SLC26A5: variants seen among roughly 807,000 people sequenced by gnomAD.
SLC26A5 encodes the protein solute carrier family 26 member 5.
Under a neutral mutation model 81.0 loss-of-function variants are expected in SLC26A5, and 51 were observed. The observed-to-expected ratio is 0.63, with a 90% CI of 0.50 to 0.80. The LOEUF is 0.80. Among genes scored for constraint, SLC26A5 ranks in the 30% least tolerant of loss-of-function variants. The pLI is 0.00. For synonymous variants in SLC26A5, 325 were observed against 332.8 expected (o/e 0.98, Z 0.25); for missense variants, 771 against 905.8 (o/e 0.85, Z 1.91).
chr7:103,389,106 C>T lies in SLC26A5; in HGVS notation c.1416G>A (p.Trp472Ter), dbSNP rs769720506. ...ACAAGGAGGACACAAAAGTGGTAAG[C>T]CAGATGGTCTAAGCAAAAGACAGAA... ...WRTSKIELTI[W>*]LTTFVSSLFL... The change falls in exon 14 of 20, where the codon TGG (tryptophan) becomes TGA (stop). Residue 472 changes from tryptophan to a stop codon, truncating the protein, a stop_gained. Coordinates refer to ENST00000306312, the MANE Select transcript of SLC26A5 (RefSeq NM_198999.3). LOFTEE classifies it high-confidence loss of function. The T allele has an allele frequency of 6.2e-7, 1 of 1,611,980 alleles. No individual in the cohort carries two copies. Among genetic ancestry groups the T allele is most frequent in the South Asian group, 1.1e-5 (1 of 90,906 alleles).
At chr7:103,354,750 C>G in intron 19 of SLC26A5, 1 of 657,720 alleles carries the variant, frequency 1.5e-6, no homozygotes, top group Non-Finnish European at 2.7e-6. Context: ...CTCTCTACTT[C>G]ACAAGCTTTG....
chr7:103,363,540 C>T, intron 19 of SLC26A5: 1 of 1,054,068 alleles, frequency 9.5e-7, no homozygotes, highest in South Asian at 1.4e-5. Context: ...TTAATATTTT[C>T]CCTAATGAGA....
intron 8 of SLC26A5, among the ~76,000 whole-genome samples, chr7:103,403,499 G>C (rs1455484566): frequency 6.6e-6 from 1 of 152,116 alleles, no homozygotes; most frequent in Non-Finnish European, 1.5e-5. Flanking sequence ...TATTGTGTGG[G>C]AGTCTAAGTC....
chr7:103,412,541 A>ATT (rs1824566109), intron 5 of SLC26A5, among the ~76,000 whole-genome samples: 1 of 132,840 alleles, frequency 7.5e-6, no homozygotes, highest in East Asian at 2.6e-4. Flanking sequence ...GGAGGAGTGT[A>ATT]GTTTTTTTTT....
intron 3 of SLC26A5, 82 bp downstream of exon 3, chr7:103,421,281 A>G: frequency 1.3e-6 from 2 of 1,488,712 alleles, no homozygotes; most frequent in Non-Finnish European, 1.9e-6. Context: ...ACTTCACCAA[A>G]CAGATTTTCT....
At chr7:103,427,816 G>A (rs1430080796) in intron 2 of SLC26A5, among the ~76,000 whole-genome samples, 1 of 150,820 alleles carries the variant, frequency 6.6e-6, no homozygotes, top group Non-Finnish European at 1.5e-5. Flanking sequence ...CACCTGGGGA[G>A]ATTAAAACCA....
At chr7:103,378,360 CTG>C (rs1377445724) in intron 17 of SLC26A5, 84 bp downstream of exon 17, 157 of 1,304,016 alleles carry the variant, frequency 1.2e-4, no homozygotes, top group Non-Finnish European at 1.6e-4. Context: ...TAACTTCGTG[CTG>C]TGTTTAAACT....
At chr7:103,426,651 G>C (rs1328978288) in intron 2 of SLC26A5, among the ~76,000 whole-genome samples, 1 of 152,226 alleles carries the variant, frequency 6.6e-6, no homozygotes, top group South Asian at 2.1e-4. Context: ...CATTTCAACT[G>C]GGAAAGGAAA....
At chr7:103,352,894 G>A (rs756759767) in exon 20 of SLC26A5, 5 of 780,644 alleles carry the variant, frequency 6.4e-6, no homozygotes, top group Admixed American at 5.1e-5. Flanking sequence ...TTTCCCCTAC[G>A]GTCTCCATCT....
chr7:103,405,574 C>T (rs940860801), intron 8 of SLC26A5, among the ~76,000 whole-genome samples: 2 of 152,136 alleles, frequency 1.3e-5, no homozygotes, highest in African/African-American at 4.8e-5. Flanking sequence ...CCCAGAGGGG[C>T]ACCCGCCATA....
At position 103,360,036 on chromosome 7, in the gene SLC26A5, G is replaced by A. The variant is rs141383345; in HGVS notation, c.2042-7110C>T. Among the ~76,000 whole-genome samples the A allele has an allele frequency of 2.8e-3, 421 of 151,362 alleles. 9 individuals carry two copies. The highest frequency in any genetic ancestry group is 0.025 in the Admixed American group (387 of 15,220). ...GCGGAAGTTGCAGTGAGTCAAGATC[G>A]CGCCACTGCACTCCAGCCTGGGCAG... On this transcript the variant is annotated intron_variant, in intron 19 of 19. Coordinates refer to the SLC26A5 transcript ENST00000339444.
chr7:103,404,294 T>G (rs1823850789), intron 8 of SLC26A5, among the ~76,000 whole-genome samples: 1 of 152,222 alleles, frequency 6.6e-6, no homozygotes, highest in Non-Finnish European at 1.5e-5. Context: ...GCTTTTTACA[T>G]TTTCATTTGT....
chr7:103,421,036 A>AG (rs1309919521), intron 3 of SLC26A5, among the ~76,000 whole-genome samples, 159 bp from the exon 4 acceptor site: 1 of 152,202 alleles, frequency 6.6e-6, no homozygotes, highest in East Asian at 1.9e-4. Context: ...AGTCAGGGAT[A>AG]GGGAAAAAAA....
chr7:103,399,801 G>A (rs1037888845), intron 8 of SLC26A5, among the ~76,000 whole-genome samples: 8 of 152,088 alleles, frequency 5.3e-5, no homozygotes, highest in Non-Finnish European at 1.2e-4. Context: ...ACTCCCACTT[G>A]CAAGTGAGAA....
Position 103,353,905 on chromosome 7 carries a change from GTC to G in SLC26A5, c.2042-981_2042-980del, listed in dbSNP as rs749650497. ...AGTTTCTTTTTGAATCTCACGTATT[GTC>G]TCTCTTCTTTCAGCTCTGGATGAGG... On this transcript the variant is annotated intron_variant, in intron 19 of 19. Coordinates refer to the SLC26A5 transcript ENST00000339444. 5 of 1,598,448 alleles carry G rather than the reference GTC, an allele frequency of 3.1e-6. No individual in the cohort carries two copies. The Admixed American group carries it at 5.1e-5, about 16-fold the overall frequency.
intron 2 of SLC26A5, among the ~76,000 whole-genome samples, chr7:103,430,086 T>TAGG (rs1825962012): frequency 6.6e-6 from 1 of 151,818 alleles, no homozygotes; most frequent in Non-Finnish European, 1.5e-5. Flanking sequence ...CTTTTTTTTT[T>TAGG]TTTTTTTTTG....
intron 12 of SLC26A5, 93 bp downstream of exon 12, chr7:103,390,336 A>C (rs780142386): frequency 1.3e-5 from 15 of 1,153,006 alleles, no homozygotes; most frequent in Middle Eastern, 1.9e-4. Flanking sequence ...GTTACAGTAA[A>C]TAACCCTAAT....
chr7:103,398,542 G>A (rs1288826865), intron 8 of SLC26A5, among the ~76,000 whole-genome samples: 3 of 152,164 alleles, frequency 2.0e-5, no homozygotes, highest in Non-Finnish European at 4.4e-5. Context: ...CAGCTACAAA[G>A]TCAGGGTAGA....
At position 103,379,341 on chromosome 7, in the gene SLC26A5, G is replaced by A. The variant is rs1263657281; in HGVS notation, c.1585-6C>T. ...ATTCCAGGAATTTCTTTCACCTGAA[G>A]AGTAAAATATTGCTGAATTTAACAC... On this transcript the variant is annotated splice_polypyrimidine_tract_variant and splice_region_variant and intron_variant, in intron 15 of 19. Coordinates refer to ENST00000306312, the MANE Select transcript of SLC26A5 (RefSeq NM_198999.3). 6.5e-7 allele frequency: 1 copy of A among 1,549,536 alleles called. No homozygotes were observed. The highest frequency in any genetic ancestry group is 1.4e-5 in the African/African-American group (1 of 73,528).
Sources: allele counts gnomAD v4.1 joint callset (sites outside exome capture counted in the v4.1 genomes callset), GRCh38; gene constraint gnomAD v4.1.1; transcripts MANE v1.5; gene names NCBI Gene and HGNC (gene_info 2026-07-23, HGNC 2026-07-21).